Variants in RCC2 observed in about 807,000 individuals in gnomAD.
RCC2 encodes protein RCC2.
In RCC2, 19 loss-of-function variants were observed where a neutral mutation model predicts 64.1. The observed-to-expected ratio is 0.30, with a 90% CI of 0.21 to 0.44. The LOEUF (loss-of-function observed/expected upper bound fraction) is 0.44. Among genes scored for constraint, RCC2 ranks in the 20% least tolerant of loss-of-function variants. The probability of loss-of-function intolerance (pLI) is 1.00; values close to 1 mark genes in which losing one functional copy is unlikely to be tolerated. For synonymous variants in RCC2, 325 were observed against 279.6 expected (o/e 1.16, Z -1.62); for missense variants, 508 against 710.4 (o/e 0.72, Z 3.24).
At chr1:17,412,245 C>A (rs770352187) in intron 10 of RCC2, 51 bp from the exon 11 acceptor site, 5 of 1,563,122 alleles carry the variant, frequency 3.2e-6, no homozygotes, top group Non-Finnish European at 4.4e-6. Context: ...AGACCTGCAC[C>A]CACGCAGCTA....
intron 7 of RCC2, 150 bp downstream of exon 7, chr1:17,420,564 T>C: frequency 2.1e-6 from 1 of 487,348 alleles, no homozygotes. Context: ...CGCGCTGTTC[T>C]GCTGAACGTG....
intron 3 of RCC2, among the ~76,000 whole-genome samples, chr1:17,426,078 C>A (rs1400528988): frequency 2.6e-5 from 4 of 152,294 alleles, no homozygotes; most frequent in Non-Finnish European, 4.4e-5. Flanking sequence ...TGGCTTTCCA[C>A]AGCCGTCAGC....
intron 9 of RCC2, 21 bp from the exon 10 acceptor site, chr1:17,413,199 T>G: frequency 6.5e-7 from 1 of 1,535,852 alleles, no homozygotes; most frequent in African/African-American, 1.4e-5. Context: ...ACAAAACATG[T>G]TCCCAGCGTG....
intron 10 of RCC2, among the ~76,000 whole-genome samples, 187 bp from the exon 11 acceptor site, chr1:17,412,381 C>T (rs1041757968): frequency 4.6e-5 from 7 of 152,232 alleles, no homozygotes; most frequent in Admixed American, 2.0e-4. Context: ...GGCCACTCAA[C>T]GCTTCAACAA....
intron 2 of RCC2, among the ~76,000 whole-genome samples, chr1:17,431,491 C>A (rs564808030): frequency 1.4e-3 from 134 of 97,998 alleles, no homozygotes; most frequent in South Asian, 7.4e-3. Context: ...ACAAAGCCAG[C>A]CCTGTCTCAA....
At chr1:17,428,206 C>T (rs2075638165) in intron 3 of RCC2, among the ~76,000 whole-genome samples, 1 of 152,234 alleles carries the variant, frequency 6.6e-6, no homozygotes, top group South Asian at 2.1e-4. Context: ...ACAGGACTGG[C>T]AACAAGGCGC....
chr1:17,438,673 G>T (rs553895488), intron 1 of RCC2, 151 bp from the exon 2 acceptor site: 2 of 743,212 alleles, frequency 2.7e-6, no homozygotes, highest in Non-Finnish European at 3.7e-6. Context: ...GGCGAGTTGG[G>T]AGAGGAAATC....
Position 17,412,156 on chromosome 1 carries a change from A to ATG in RCC2, c.1350_1351dup (p.Ile451ThrfsTer29). 1 of 1,614,084 alleles carries ATG rather than the reference A, an allele frequency of 6.2e-7. No homozygotes were observed. The highest frequency in any genetic ancestry group is 8.5e-7 in the Non-Finnish European group (1 of 1,180,004). On this transcript the variant is annotated frameshift_variant, in exon 11 of 13. Transcript: ENST00000375436. LOFTEE classifies it high-confidence loss of function. ...AAAGGTCGGTGACGGACCCCAGCTGATGGTGCTCTCATCGGCGGCCACAAT... is the reference window on the plus strand; with the variant it reads ...AAAGGTCGGTGACGGACCCCAGCTGATGTGGTGCTCTCATCGGCGGCCACAAT...
chr1:17,438,535 A>T lies in RCC2; in HGVS notation c.-8-13T>A. ...GGCATGGTCGCGGCTGGAGGGAGAC[A>T]CGGGGCAGCGGCGCACAATGGACGG... On this transcript the variant is annotated splice_polypyrimidine_tract_variant and intron_variant, in intron 1 of 12. Coordinates refer to ENST00000375436, the MANE Select transcript of RCC2 (RefSeq NM_018715.4). 8.3e-6 allele frequency: 11 copies of T among 1,320,566 alleles called. No homozygotes were observed. Among genetic ancestry groups the T allele is most frequent in the Non-Finnish European group, 1.1e-5 (11 of 1,036,740 alleles). 81.8% of individuals were successfully genotyped at this position (1,320,566 alleles called of 1,614,324 possible). A position where few individuals can be genotyped will look rare whatever the true frequency, so the allele number is the denominator to read the frequency against.
chr1:17,412,133 A>C lies in RCC2; in HGVS notation c.1375T>G (p.Phe459Val), dbSNP rs995528026. Residue 459 changes from phenylalanine (F) to valine (V), a missense_variant, in exon 11 of 13, where the codon TTT (phenylalanine) becomes GTT (valine). By Grantham distance (50) the Phe-to-Val change is conservative. This residue lies in a region of RCC2 where 179 missense variants were observed against 322.0 expected (regional missense o/e 0.56). Transcript: ENST00000375436. ...AGGTGACAGCTTACCAGTTCCCCAA[A>C]GGTCGGTGACGGACCCCAGCTGATG... ...STISWGPSPT[F>V]GELGYGDHKP... 2 of 1,614,150 alleles carry C rather than the reference A, an allele frequency of 1.2e-6. No homozygotes were observed. The highest frequency in any genetic ancestry group is 1.7e-6 in the Non-Finnish European group (2 of 1,180,014).
chr1:17,435,088 G>GC (rs2075722130), intron 2 of RCC2, among the ~76,000 whole-genome samples: 1 of 152,196 alleles, frequency 6.6e-6, no homozygotes, highest in Non-Finnish European at 1.5e-5. Flanking sequence ...GGGAGACAGA[G>GC]CAAGACTCCA....
chr1:17,418,137 A>C (rs2075508972), intron 7 of RCC2, among the ~76,000 whole-genome samples: 1 of 152,094 alleles, frequency 6.6e-6, no homozygotes, highest in South Asian at 2.1e-4. Context: ...CTGGAATCAC[A>C]ACTACGCTAC....
At chr1:17,409,419 G>A (rs954692049) in intron 12 of RCC2, among the ~76,000 whole-genome samples, 3 of 152,240 alleles carry the variant, frequency 2.0e-5, no homozygotes, top group Non-Finnish European at 4.4e-5. Context: ...GACCCAGCTG[G>A]AAGGAAGCCC....
intron 1 of RCC2, 85 bp from the exon 2 acceptor site, chr1:17,438,607 C>T: frequency 1.7e-6 from 2 of 1,206,882 alleles, no homozygotes; most frequent in Non-Finnish European, 2.1e-6. Context: ...GCCACCCGGC[C>T]TCCACTTCCT....
intron 2 of RCC2, among the ~76,000 whole-genome samples, chr1:17,434,567 G>A (rs1400243444): frequency 6.6e-6 from 1 of 152,042 alleles, no homozygotes; most frequent in Non-Finnish European, 1.5e-5. Context: ...TAAATTAATC[G>A]ACCCCAAAGA....
intron 2 of RCC2, among the ~76,000 whole-genome samples, chr1:17,432,504 G>GGA (rs1212550575): frequency 1.3e-5 from 2 of 152,202 alleles, no homozygotes; most frequent in African/African-American, 4.8e-5. Context: ...CCAGGCAGGC[G>GGA]GAGGTTCATG....
At chr1:17,424,188 C>T (rs938133761) in intron 4 of RCC2, among the ~76,000 whole-genome samples, 2 of 152,204 alleles carry the variant, frequency 1.3e-5, no homozygotes, top group African/African-American at 2.4e-5. Context: ...TCACACCAGA[C>T]GCCGCCCCCT....
At chr1:17,426,664 C>A (rs988264825) in intron 3 of RCC2, among the ~76,000 whole-genome samples, 1 of 152,054 alleles carries the variant, frequency 6.6e-6, no homozygotes, top group Non-Finnish European at 1.5e-5. Flanking sequence ...TGGCACGCAG[C>A]GAGCACTCAA....
At chr1:17,434,939 A>C (rs2100397035) in intron 2 of RCC2, among the ~76,000 whole-genome samples, 1 of 152,326 alleles carries the variant, frequency 6.6e-6, no homozygotes, top group South Asian at 2.1e-4. Context: ...CCCCATCTCT[A>C]CTGAAAATAC....
Sources: allele counts gnomAD v4.1 joint callset (sites outside exome capture counted in the v4.1 genomes callset), GRCh38; gene constraint gnomAD v4.1.1; regional missense constraint gnomAD v4.1.1; transcripts MANE v1.5; gene names NCBI Gene and HGNC (gene_info 2026-07-23, HGNC 2026-07-21).